PCDHA9: variants seen among roughly 807,000 people sequenced by gnomAD.
PCDHA9 encodes the protein protocadherin alpha 9.
In PCDHA9, 62 loss-of-function variants were observed where a neutral mutation model predicts 62.0. The observed-to-expected ratio is 1.00, with a 90% CI of 0.81 to 1.23. The LOEUF (loss-of-function observed/expected upper bound fraction) is 1.23. PCDHA9 is among the 50% of genes most tolerant of loss of function. The probability of loss-of-function intolerance (pLI) is 0.00; values close to 1 mark genes in which losing one functional copy is unlikely to be tolerated. For missense variants in PCDHA9, 1,205 were observed against 1,249.8 expected (o/e 0.96, Z 0.54); for synonymous variants, 557 against 567.6 (o/e 0.98, Z 0.27).
intron 1 of PCDHA9, chr5:140,882,198 G>C (rs964999330): frequency 2.0e-6 from 3 of 1,525,466 alleles, no homozygotes; most frequent in African/African-American, 2.8e-5. Context: ...ATAAAAATTG[G>C]GCCTTGAGAG....
rs1359152136 is a variant in PCDHA9, at chr5:140,969,072, C to T, written c.2395-9877C>T. 2.1e-5 allele frequency: 34 copies of T among 1,613,982 alleles called. No individual in the cohort carries two copies. The highest frequency in any genetic ancestry group is 5.0e-5 in the Admixed American group (3 of 59,998). On this transcript the variant is annotated intron_variant, in intron 1 of 3. Transcript: ENST00000532602. ...AACAACAATATTGATGCCAGGATACCGCATGGCCTCAAAGTGCAGCCTCAC... is the reference window on the plus strand; with the variant it reads ...AACAACAATATTGATGCCAGGATACTGCATGGCCTCAAAGTGCAGCCTCAC...
intron 1 of PCDHA9, among the ~76,000 whole-genome samples, chr5:140,945,439 A>G (rs1291434553): frequency 6.6e-6 from 1 of 152,188 alleles, no homozygotes; most frequent in Non-Finnish European, 1.5e-5. Flanking sequence ...TTACAGAAAT[A>G]TAAAAAACTT....
intron 1 of PCDHA9, among the ~76,000 whole-genome samples, chr5:140,971,546 A>G (rs1236125448): frequency 6.6e-6 from 1 of 152,146 alleles, no homozygotes; most frequent in African/African-American, 2.4e-5. Context: ...TGCCAGATCA[A>G]CCTGTTAAAT....
chr5:140,896,583 G>T (rs557774521), intron 1 of PCDHA9, among the ~76,000 whole-genome samples: 1 of 151,654 alleles, frequency 6.6e-6, no homozygotes, highest in South Asian at 2.1e-4. Context: ...TGACGTGTTG[G>T]CCAGGCTGGT....
intron 1 of PCDHA9, among the ~76,000 whole-genome samples, chr5:140,973,210 C>T (rs112667484): frequency 0.028 from 4,273 of 152,266 alleles, 188 homozygotes; most frequent in African/African-American, 0.096. Flanking sequence ...CATATTCACC[C>T]TAATTCCAGG....
In PCDHA9 at chr5:141,011,807, A is replaced by G. The variant is rs940017317; in HGVS notation, c.*1870A>G. ...CTAATGGTATCTGAAATATCAGCTC[A>G]TAGAAAGTAACAAAATTTGCTGTCA... On this transcript the variant is annotated 3_prime_UTR_variant, in exon 4 of 4. Coordinates refer to ENST00000532602, the MANE Select transcript of PCDHA9 (RefSeq NM_031857.2). The G allele has an allele frequency of 1.3e-5, 2 of 153,798 alleles. No individual in the cohort carries two copies. Among genetic ancestry groups the G allele is most frequent in the African/African-American group, 4.8e-5 (2 of 41,468 alleles). The allele number at this position is 153,798 out of a possible 1,614,324, so 9.5% of individuals were successfully genotyped here.
At chr5:140,867,294 T>C (rs987236296) in intron 1 of PCDHA9, 3 of 152,152 alleles carry the variant, frequency 2.0e-5, no homozygotes, top group African/African-American at 7.2e-5. Flanking sequence ...TCAAATATCA[T>C]GTTGAATATA....
At chr5:140,960,079 A>G (rs1006555188) in intron 1 of PCDHA9, among the ~76,000 whole-genome samples, 1 of 152,228 alleles carries the variant, frequency 6.6e-6, no homozygotes, top group African/African-American at 2.4e-5. Flanking sequence ...TGAAGTTTCT[A>G]AAAGAGAAAG....
At chr5:140,884,044 G>A (rs374333847) in intron 1 of PCDHA9, 16 of 1,613,358 alleles carry the variant, frequency 9.9e-6, no homozygotes, top group Non-Finnish European at 1.4e-5. Context: ...ACGTGGTGGC[G>A]AAGGTGCGCG....
intron 2 of PCDHA9, among the ~76,000 whole-genome samples, chr5:140,979,979 T>C (rs1007546118): frequency 6.6e-6 from 1 of 152,194 alleles, no homozygotes; most frequent in African/African-American, 2.4e-5. Flanking sequence ...ATGCATTAGA[T>C]TGAAATAAAT....
At chr5:140,890,854 T>C (rs1320462436) in intron 1 of PCDHA9, among the ~76,000 whole-genome samples, 1 of 152,232 alleles carries the variant, frequency 6.6e-6, no homozygotes, top group African/African-American at 2.4e-5. Context: ...TTTCTCTTCC[T>C]TACTTCTTGC....
intron 1 of PCDHA9, chr5:140,875,175 T>G (rs1301346750): frequency 5.0e-6 from 2 of 399,086 alleles, no homozygotes; most frequent in African/African-American, 4.1e-5. Context: ...GTCGAAACAT[T>G]AGAATTAAGA....
chr5:140,862,491 C>T, intron 1 of PCDHA9: 1 of 387,444 alleles, frequency 2.6e-6, no homozygotes, highest in Admixed American at 3.4e-5. Flanking sequence ...TTGGTAATCG[C>T]TCGGAATGGG....
intron 1 of PCDHA9, among the ~76,000 whole-genome samples, chr5:140,950,273 T>G (rs1218178621): frequency 6.6e-5 from 10 of 152,008 alleles, no homozygotes; most frequent in African/African-American, 1.9e-4. Flanking sequence ...CCATAATGTC[T>G]TTTTGCTTCA....
intron 1 of PCDHA9, among the ~76,000 whole-genome samples, chr5:140,978,464 C>T (rs1281042342): frequency 5.3e-5 from 8 of 152,226 alleles, no homozygotes; most frequent in Non-Finnish European, 2.9e-5. Flanking sequence ...CGCCCTGGGT[C>T]AAATATGCTG....
intron 1 of PCDHA9, chr5:140,868,880 A>G (rs1384235072): frequency 1.4e-6 from 1 of 698,244 alleles, no homozygotes; most frequent in Non-Finnish European, 2.3e-6. Flanking sequence ...CAGTACTCAC[A>G]GTTTTAGGCG....
At chr5:140,854,204 A>G in intron 1 of PCDHA9, 1 of 510,702 alleles carries the variant, frequency 2.0e-6, no homozygotes, top group Non-Finnish European at 2.5e-6. Flanking sequence ...CCTACTTTTT[A>G]TTCAATATTG....
At chr5:141,007,716 G>A (rs887681362) in intron 3 of PCDHA9, among the ~76,000 whole-genome samples, 4 of 152,246 alleles carry the variant, frequency 2.6e-5, no homozygotes, top group African/African-American at 4.8e-5. Context: ...CCCACCACCA[G>A]GGAGAACAAA....
intron 1 of PCDHA9, among the ~76,000 whole-genome samples, chr5:140,879,380 T>C (rs1213546230): frequency 6.6e-6 from 1 of 152,106 alleles, no homozygotes; most frequent in Admixed American, 6.5e-5. Flanking sequence ...CAGAACAAGG[T>C]TGGAGAAACA....
Sources: gnomAD v4.1 joint callset for allele counts (sites outside exome capture counted in the v4.1 genomes callset) on GRCh38, gnomAD v4.1.1 for gene constraint, MANE v1.5 for transcripts, NCBI Gene and HGNC (gene_info 2026-07-23, HGNC 2026-07-21) for gene names.